LYPLAL1: variants seen among roughly 807,000 people sequenced by gnomAD.
LYPLAL1 encodes the protein lysophospholipase-like protein 1.
A neutral mutation model predicts 19.7 loss-of-function variants in LYPLAL1; 23 were observed. The ratio of observed to expected loss-of-function variants is 1.17; its 90% CI spans 0.84 to 1.65. LYPLAL1 has a LOEUF of 1.65. Among genes scored for constraint, LYPLAL1 ranks in the 40% most tolerant of loss-of-function variants. The probability of loss-of-function intolerance (pLI) is 0.00; values close to 1 mark genes in which losing one functional copy is unlikely to be tolerated. For missense variants in LYPLAL1, 355 were observed against 279.4 expected (o/e 1.27, Z -1.93); for synonymous variants, 119 against 96.3 (o/e 1.24, Z -1.38).
the LYPLAL1 span, among the ~76,000 whole-genome samples, chr1:219,353,377 A>G: frequency 3.3e-4 from 50 of 152,382 alleles, no homozygotes; most frequent in Middle Eastern, 6.8e-3. Flanking sequence ...AGACACAGTG[A>G]GAAACCATGA....
At chr1:219,349,519 T>C in the LYPLAL1 span, among the ~76,000 whole-genome samples, 1 of 152,194 alleles carries the variant, frequency 6.6e-6, no homozygotes, top group Non-Finnish European at 1.5e-5. Flanking sequence ...TCAGGGATGA[T>C]AACATCAAGT....
chr1:219,190,887 G>T (rs556188902), intron 2 of LYPLAL1, among the ~76,000 whole-genome samples: 1 of 151,530 alleles, frequency 6.6e-6, no homozygotes. Context: ...GCTTGGGAAG[G>T]TTACGGGAGT....
the LYPLAL1 span, among the ~76,000 whole-genome samples, chr1:219,410,693 G>C: frequency 3.9e-5 from 6 of 152,198 alleles, no homozygotes; most frequent in East Asian, 1.2e-3. Context: ...CGGCACTTGC[G>C]GGCCAGCTGG....
chr1:219,309,281 A>C, the LYPLAL1 span, among the ~76,000 whole-genome samples: 1 of 152,314 alleles, frequency 6.6e-6, no homozygotes, highest in South Asian at 2.1e-4. Context: ...CTAGGAAGTA[A>C]CTAGCTTGCT....
At chr1:219,361,973 G>C in the LYPLAL1 span, among the ~76,000 whole-genome samples, 1 of 152,068 alleles carries the variant, frequency 6.6e-6, no homozygotes, top group South Asian at 2.1e-4. Context: ...TTGTCCCCCT[G>C]TTTGGGCCAG....
the LYPLAL1 span, among the ~76,000 whole-genome samples, chr1:219,440,235 TAC>T: frequency 1.6e-3 from 236 of 152,092 alleles, 1 homozygote; most frequent in South Asian, 0.017. Flanking sequence ...GCAAAAATTC[TAC>T]AGTCTTAAAT....
chr1:219,384,459 T>C, the LYPLAL1 span, among the ~76,000 whole-genome samples: 1 of 152,190 alleles, frequency 6.6e-6, no homozygotes. Flanking sequence ...ATTCCAGCAG[T>C]GGTTTTTAGG....
intron 2 of LYPLAL1, among the ~76,000 whole-genome samples, chr1:219,191,035 A>G (rs969306701): frequency 2.0e-5 from 3 of 151,634 alleles, no homozygotes; most frequent in African/African-American, 7.2e-5. Flanking sequence ...TATATATGTA[A>G]ATTATACCTC....
chr1:219,250,861 C>G, the LYPLAL1 span, among the ~76,000 whole-genome samples: 3 of 151,792 alleles, frequency 2.0e-5, no homozygotes, highest in African/African-American at 4.8e-5. Flanking sequence ...CTGCTTTTAG[C>G]TTTTTTGAGG....
chr1:219,198,267 C>T (rs1657775392), intron 3 of LYPLAL1, among the ~76,000 whole-genome samples: 2 of 151,286 alleles, frequency 1.3e-5, no homozygotes. Flanking sequence ...AATGACCAGT[C>T]AATTATAGGC....
Position 219,211,620 on chromosome 1 carries a change from G to A in LYPLAL1, c.606G>A (p.Lys202=), listed in dbSNP as rs756304177. ...TAAAATCTCTAGGAGTGACCACGAA[G>A]TTTCATAGTTTTCCAAATGTTTACC... The part of the protein sequence containing the change: ...SMLKSLGVTT[K]FHSFPNVYHE... The change falls in exon 5 of 5, where the codon AAG becomes AAA. Residue 202 remains lysine, a synonymous_variant. Transcript: ENST00000366928. 3.7e-6 allele frequency: 6 copies of A among 1,613,288 alleles called. No homozygotes were observed.
At chr1:219,253,922 T>C in the LYPLAL1 span, among the ~76,000 whole-genome samples, 1 of 152,124 alleles carries the variant, frequency 6.6e-6, no homozygotes, top group South Asian at 2.1e-4. Flanking sequence ...TGTTGCTTTG[T>C]AGGTCTCTAA....
chr1:219,321,729 C>T, the LYPLAL1 span, among the ~76,000 whole-genome samples: 2 of 152,074 alleles, frequency 1.3e-5, no homozygotes, highest in Non-Finnish European at 2.9e-5. Context: ...TTGACAAGTT[C>T]TCAAGATTGG....
chr1:219,425,790 A>G, the LYPLAL1 span, among the ~76,000 whole-genome samples: 2 of 152,232 alleles, frequency 1.3e-5, no homozygotes, highest in Non-Finnish European at 2.9e-5. Flanking sequence ...CCATACAAAG[A>G]TACCATATTC....
chr1:219,229,708 G>A, the LYPLAL1 span, among the ~76,000 whole-genome samples: 2 of 152,228 alleles, frequency 1.3e-5, no homozygotes, highest in South Asian at 2.1e-4. Context: ...TGGGGTCGGA[G>A]CCCCATAGCC....
At chr1:219,308,615 G>A in the LYPLAL1 span, among the ~76,000 whole-genome samples, 1 of 152,182 alleles carries the variant, frequency 6.6e-6, no homozygotes, top group African/African-American at 2.4e-5. Flanking sequence ...CCAACGTAGA[G>A]CTCGGTTTGA....
chr1:219,436,667 A>G, the LYPLAL1 span, among the ~76,000 whole-genome samples: 1 of 152,140 alleles, frequency 6.6e-6, no homozygotes, highest in Non-Finnish European at 1.5e-5. Flanking sequence ...CCTCATCCAC[A>G]AGGCTAAGTG....
intron 2 of LYPLAL1, among the ~76,000 whole-genome samples, chr1:219,182,517 CA>C: frequency 6.6e-6 from 1 of 152,172 alleles, no homozygotes; most frequent in East Asian, 1.9e-4. Flanking sequence ...CCGGTGACGT[CA>C]AAAGGAGGCA....
chr1:219,196,460 T>C (rs1657608948), intron 3 of LYPLAL1, among the ~76,000 whole-genome samples: 1 of 152,174 alleles, frequency 6.6e-6, no homozygotes. Flanking sequence ...TGAGCTTTTT[T>C]TCATGTTTTT....
Sources: gnomAD v4.1 joint callset for allele counts (sites outside exome capture counted in the v4.1 genomes callset) on GRCh38, gnomAD v4.1.1 for gene constraint, MANE v1.5 for transcripts, NCBI Gene and HGNC (gene_info 2026-07-23, HGNC 2026-07-21) for gene names.